The following PCSK6 variants were observed in gnomAD, a reference collection of about 807,000 sequenced individuals.
PCSK6 encodes proprotein convertase subtilisin/kexin type 6.
PCSK6 carries 85 observed loss-of-function variants against 123.3 expected under a neutral mutation model. The ratio of observed to expected loss-of-function variants is 0.69; its 90% CI spans 0.58 to 0.83. PCSK6 has a LOEUF of 0.83. PCSK6 is among the 40% of genes least tolerant of loss of function. The pLI, the probability that PCSK6 is intolerant of heterozygous loss-of-function variation, is 0.00. For synonymous variants in PCSK6, 508 were observed against 516.0 expected (o/e 0.98, Z 0.21); for missense variants, 1,191 against 1,282.3 (o/e 0.93, Z 1.09).
chr15:101,428,603 C>T (rs999362049), intron 5 of PCSK6, among the ~76,000 whole-genome samples: 2 of 152,212 alleles, frequency 1.3e-5, no homozygotes, highest in East Asian at 3.8e-4. Context: ...GCGTTTTCCT[C>T]AGTAATGACC....
chr15:101,417,926 T>C (rs916889326), intron 6 of PCSK6, among the ~76,000 whole-genome samples: 3 of 152,014 alleles, frequency 2.0e-5, no homozygotes, highest in Non-Finnish European at 4.4e-5. Context: ...ATTTATTACA[T>C]GGGTATATTG....
At chr15:101,390,360 T>C (rs1017818642) in intron 8 of PCSK6, among the ~76,000 whole-genome samples, 4 of 32,262 alleles carry the variant, frequency 1.2e-4, no homozygotes, top group Non-Finnish European at 2.4e-4. Context: ...TGTCGCCCCA[T>C]CATCTTTGTC....
At position 101,450,653 on chromosome 15, in the gene PCSK6, T is replaced by C. The variant is rs8032749; in HGVS notation, c.298-6993A>G. Among the ~76,000 whole-genome samples, 1,206 of 152,172 alleles carry C rather than the reference T, an allele frequency of 7.9e-3. 14 individuals carry two copies. The highest frequency in any genetic ancestry group is 0.028 in the African/African-American group (1,165 of 41,506). On this transcript the variant is annotated intron_variant, in intron 1 of 21. Coordinates refer to ENST00000611716, the MANE Select transcript of PCSK6 (RefSeq NM_002570.5). ...ATGACATTGGGAGGATACACAGGTCTCCCCCCATCCCATCTGTGTCCAGCT... is the reference window on the plus strand; with the variant it reads ...ATGACATTGGGAGGATACACAGGTCCCCCCCCATCCCATCTGTGTCCAGCT...
intron 8 of PCSK6, among the ~76,000 whole-genome samples, chr15:101,391,705 T>A (rs2042238873): frequency 6.6e-6 from 1 of 152,192 alleles, no homozygotes; most frequent in Non-Finnish European, 1.5e-5. Context: ...ATGCTGGGAC[T>A]GTGATATGTC....
intron 13 of PCSK6, among the ~76,000 whole-genome samples, chr15:101,349,364 T>C (rs1004128699): frequency 6.6e-6 from 1 of 151,782 alleles, no homozygotes; most frequent in Non-Finnish European, 1.5e-5. Flanking sequence ...GTCAGAAGAG[T>C]TTTCCCTTAG....
rs540855528 is a variant in PCSK6, at chr15:101,361,593, G to A, written c.1858+4603C>T. 2.6e-5 allele frequency among the ~76,000 whole-genome samples: 4 copies of A among 152,314 alleles called. No homozygotes were observed. In the South Asian group the frequency reaches 6.2e-4, roughly 24 times the overall value. On this transcript the variant is annotated intron_variant, in intron 13 of 21. Transcript: ENST00000611716. Reference sequence around the variant, plus strand: ...ACCAGGCATGTTAGGGGAACAGAACGGAGGTCAATGATGAGGCGCAGGAAA... The same window carrying A: ...ACCAGGCATGTTAGGGGAACAGAACAGAGGTCAATGATGAGGCGCAGGAAA...
chr15:101,478,534 T>C (rs1375595412), intron 1 of PCSK6, among the ~76,000 whole-genome samples: 1 of 152,214 alleles, frequency 6.6e-6, no homozygotes, highest in Admixed American at 6.5e-5. Context: ...CTTCTGTGGC[T>C]TCCCCGGTCC....
chr15:101,442,143 G>A (rs2056770383), intron 2 of PCSK6, among the ~76,000 whole-genome samples: 1 of 152,206 alleles, frequency 6.6e-6, no homozygotes, highest in Admixed American at 6.5e-5. Flanking sequence ...GTTCCATGGT[G>A]TAAGCACAAG....
chr15:101,488,021 G>A (rs2058059555), intron 1 of PCSK6, among the ~76,000 whole-genome samples: 1 of 152,146 alleles, frequency 6.6e-6, no homozygotes, highest in African/African-American at 2.4e-5. Context: ...ACTCGAACCT[G>A]CCTTGTGAAG....
At chr15:101,356,230 C>A (rs889484960) in intron 13 of PCSK6, among the ~76,000 whole-genome samples, 1 of 152,168 alleles carries the variant, frequency 6.6e-6, no homozygotes, top group Non-Finnish European at 1.5e-5. Flanking sequence ...CCGTTCGTAG[C>A]CTTGCAGGCT....
chr15:101,485,053 C>T (rs1309260136), intron 1 of PCSK6, among the ~76,000 whole-genome samples: 1 of 152,240 alleles, frequency 6.6e-6, no homozygotes, highest in Non-Finnish European at 1.5e-5. Flanking sequence ...CCACCAGCAG[C>T]ATCTGAAAGT....
chr15:101,482,306 A>C (rs1299707852), intron 1 of PCSK6, among the ~76,000 whole-genome samples: 1 of 152,166 alleles, frequency 6.6e-6, no homozygotes, highest in Non-Finnish European at 1.5e-5. Context: ...TCGGAGCAAT[A>C]GTCAGGAGAA....
At chr15:101,333,093 A>C (rs2040403972) in intron 13 of PCSK6, among the ~76,000 whole-genome samples, 1 of 152,198 alleles carries the variant, frequency 6.6e-6, no homozygotes, top group Non-Finnish European at 1.5e-5. Flanking sequence ...CTATGCAATT[A>C]ATTAACGCCT....
intron 7 of PCSK6, among the ~76,000 whole-genome samples, chr15:101,397,855 G>C (rs1387433604): frequency 6.6e-6 from 1 of 152,260 alleles, no homozygotes; most frequent in Non-Finnish European, 1.5e-5. Flanking sequence ...CGGCAGAGAA[G>C]CATCTTTGCC....
At chr15:101,306,157 C>G (rs760581819) in intron 21 of PCSK6, among the ~76,000 whole-genome samples, 1 of 151,948 alleles carries the variant, frequency 6.6e-6, no homozygotes, top group Admixed American at 6.6e-5. Context: ...AGGGAGCCGC[C>G]GTGGACAGGA....
intron 2 of PCSK6, among the ~76,000 whole-genome samples, chr15:101,433,957 C>A (rs534444214): frequency 1.8e-4 from 27 of 151,752 alleles, no homozygotes; most frequent in African/African-American, 6.3e-4. Flanking sequence ...CTTAGAAACA[C>A]TGCAAAGGGC....
intron 12 of PCSK6, among the ~76,000 whole-genome samples, chr15:101,366,594 G>A (rs1319372269): frequency 2.0e-5 from 3 of 152,152 alleles, no homozygotes; most frequent in African/African-American, 7.2e-5. Context: ...CAGGCAGGCA[G>A]GTTTCATATA....
intron 21 of PCSK6, among the ~76,000 whole-genome samples, 160 bp downstream of exon 21, chr15:101,307,053 T>A (rs1308067626): frequency 6.6e-6 from 1 of 152,172 alleles, no homozygotes; most frequent in African/African-American, 2.4e-5. Flanking sequence ...CTGTCTTCCA[T>A]ATCAGCTAGA....
At chr15:101,352,188 C>T (rs2040910189) in intron 13 of PCSK6, among the ~76,000 whole-genome samples, 2 of 138,720 alleles carry the variant, frequency 1.4e-5, no homozygotes, top group South Asian at 2.2e-4. Context: ...CACTCTGTCG[C>T]CCAGGCTGGA....
Sources: allele counts gnomAD v4.1 joint callset (sites outside exome capture counted in the v4.1 genomes callset), GRCh38; gene constraint gnomAD v4.1.1; transcripts MANE v1.5; gene names NCBI Gene and HGNC (gene_info 2026-07-23, HGNC 2026-07-21).